OOSP2: variants seen among roughly 807,000 people sequenced by gnomAD.
OOSP2 encodes the protein oocyte secreted protein 2, also known as oocyte-secreted protein 2.
In OOSP2, 7 loss-of-function variants were observed where a neutral mutation model predicts 13.4. The ratio of observed to expected loss-of-function variants is 0.52; its 90% CI spans 0.30 to 0.98. OOSP2 has a LOEUF of 0.98. Among genes scored for constraint, OOSP2 ranks in the 50% least tolerant of loss-of-function variants. The pLI is 0.07. For missense variants in OOSP2, 184 were observed against 188.5 expected (o/e 0.98, Z 0.14); for synonymous variants, 75 against 67.2 (o/e 1.12, Z -0.57).
chr11:60,047,364 G>T lies in OOSP2; in HGVS notation c.*291G>T. 5.1e-6 allele frequency: 1 copy of T among 195,512 alleles called. No individual in the cohort carries two copies. The highest frequency in any genetic ancestry group is 1.0e-5 in the Non-Finnish European group (1 of 97,082). 12.1% of individuals were successfully genotyped at this position (195,512 alleles called of 1,614,324 possible). A position where few individuals can be genotyped will look rare whatever the true frequency, so the allele number is the denominator to read the frequency against. On this transcript the variant is annotated 3_prime_UTR_variant, in exon 4 of 4. Transcript: ENST00000278855. ...GAAGATTCAGAAATATGTCTTCAAA[G>T]ACAATGACTTGATCTAATTGATAAG...
intron 3 of OOSP2, among the ~76,000 whole-genome samples, chr11:60,046,068 C>G (rs61903630): frequency 2.1e-5 from 3 of 142,080 alleles, no homozygotes; most frequent in Non-Finnish European, 4.6e-5. Context: ...TTGTCTGTCT[C>G]TCTCTGTCTG....
At chr11:60,042,217 A>G (rs566400091) in intron 1 of OOSP2, among the ~76,000 whole-genome samples, 2 of 152,382 alleles carry the variant, frequency 1.3e-5, no homozygotes, top group African/African-American at 4.8e-5. Context: ...TCTGTGTGTC[A>G]TGCCCACTTC....
intron 1 of OOSP2, among the ~76,000 whole-genome samples, chr11:60,042,310 T>C (rs1226832247): frequency 6.6e-6 from 1 of 152,236 alleles, no homozygotes; most frequent in African/African-American, 2.4e-5. Flanking sequence ...TCCTAGGTGA[T>C]GTGAGAACAG....
rs903426351 is a variant in OOSP2 at position 60,047,772 on chromosome 11, C to G, written c.*699C>G. 4 of 152,098 alleles carry G rather than the reference C, an allele frequency of 2.6e-5. No homozygotes were observed. Among genetic ancestry groups the G allele is most frequent in the Non-Finnish European group, 5.9e-5 (4 of 67,970 alleles). 9.4% of individuals were successfully genotyped at this position (152,098 alleles called of 1,614,324 possible). A position where few individuals can be genotyped will look rare whatever the true frequency, so the allele number is the denominator to read the frequency against. ...GTTAAGCAAAGAGTTATCCTGCCAC[C>G]TAAGAGCATTCATTAAATGATTATT... On this transcript the variant is annotated 3_prime_UTR_variant, in exon 4 of 4. Coordinates refer to ENST00000278855, the MANE Select transcript of OOSP2 (RefSeq NM_173801.5).
chr11:60,041,647 T>C (rs1259494960), intron 1 of OOSP2, among the ~76,000 whole-genome samples: 10 of 151,412 alleles, frequency 6.6e-5, no homozygotes, highest in Non-Finnish European at 1.5e-4. Flanking sequence ...CAGGAGGAGT[T>C]CGAGACCAGC....
Position 60,040,496 on chromosome 11 carries a change from A to C in OOSP2, c.37A>C (p.Ile13Leu). Residue 13 changes from isoleucine (I) to leucine (L), a missense_variant, in exon 1 of 4, where the codon ATT (isoleucine) becomes CTT (leucine). Transcript: ENST00000278855. Reference protein sequence around the residue: ...LEVLMLLAVLIWTGAENLHVK... With the variant: ...LEVLMLLAVLLWTGAENLHVK... ...AGTCTTGATGCTCCTCGCTGTCTTGATTTGGACCGGTGCTGAGAACCTCCA... is the reference window on the plus strand; with the variant it reads ...AGTCTTGATGCTCCTCGCTGTCTTGCTTTGGACCGGTGCTGAGAACCTCCA... 6.2e-7 allele frequency: 1 copy of C among 1,603,242 alleles called. No homozygotes were observed. The highest frequency in any genetic ancestry group is 1.7e-5 in the Admixed American group (1 of 60,014).
At chr11:60,045,753 A>C (rs1854999690) in intron 3 of OOSP2, among the ~76,000 whole-genome samples, 1 of 152,172 alleles carries the variant, frequency 6.6e-6, no homozygotes, top group African/African-American at 2.4e-5. Flanking sequence ...CATTAAGTCC[A>C]TTCACATTGT....
In OOSP2 at chr11:60,044,765, C is replaced by T; in HGVS notation, c.338C>T (p.Ser113Phe). Reference protein sequence around the residue: ...HDPQEIHLECSTSRKSVWLTP... With the variant: ...HDPQEIHLECFTSRKSVWLTP... The stretch of plus-strand genomic sequence containing the variant: ...CCTCAGGAAATCCATTTGGAGTGTT[C>T]CACCTCTAGGTAAGTCCAGCAGATT... The change falls in exon 3 of 4, where the codon TCC (serine) becomes TTC (phenylalanine). Residue 113 changes from serine to phenylalanine, a missense_variant. Transcript: ENST00000278855. 6.6e-7 allele frequency: 1 copy of T among 1,514,716 alleles called. No individual in the cohort carries two copies. Among genetic ancestry groups the T allele is most frequent in the East Asian group, 2.3e-5 (1 of 44,280 alleles). 93.8% of individuals were successfully genotyped at this position (1,514,716 alleles called of 1,614,324 possible). A position where few individuals can be genotyped will look rare whatever the true frequency, so the allele number is the denominator to read the frequency against.
chr11:60,046,832 G>A, intron 3 of OOSP2, 112 bp from the exon 4 acceptor site: 1 of 900,424 alleles, frequency 1.1e-6, no homozygotes, highest in Non-Finnish European at 1.9e-6. Context: ...CTGGCTCTAT[G>A]CCATACTCCT....
At chr11:60,041,781 G>T (rs1854930618) in intron 1 of OOSP2, among the ~76,000 whole-genome samples, 1 of 148,774 alleles carries the variant, frequency 6.7e-6, no homozygotes, top group Non-Finnish European at 1.5e-5. Flanking sequence ...AACCCGGGAG[G>T]CGGAGCTTGC....
rs781198656 is a variant in OOSP2 at position 60,047,110 on chromosome 11, G to A, written c.*37G>A. The A allele has an allele frequency of 1.3e-6, 2 of 1,552,100 alleles. No individual in the cohort carries two copies. The highest frequency in any genetic ancestry group is 2.4e-5 in the South Asian group (2 of 83,678). On this transcript the variant is annotated 3_prime_UTR_variant, in exon 4 of 4. Transcript: ENST00000278855. ...AATGGAAACTTGAAGCTGGTGTTATGTATTTTGCAGGAAAACAGTTTCATT... is the reference window on the plus strand; with the variant it reads ...AATGGAAACTTGAAGCTGGTGTTATATATTTTGCAGGAAAACAGTTTCATT...
In OOSP2 at chr11:60,040,507, T is replaced by C; in HGVS notation, c.48T>C (p.Gly16=). ...LMLLAVLIWT[G]AENLHVKISC... ...TCCTCGCTGTCTTGATTTGGACCGG[T>C]GCTGAGAACCTCCATGGTAAATAAC... Residue 16 remains glycine, a synonymous_variant, in exon 1 of 4, where the codon GGT becomes GGC. Coordinates refer to ENST00000278855, the MANE Select transcript of OOSP2 (RefSeq NM_173801.5). 1 of 1,589,662 alleles carries C rather than the reference T, an allele frequency of 6.3e-7. No homozygotes were observed. Among genetic ancestry groups the C allele is most frequent in the East Asian group, 2.2e-5 (1 of 44,792 alleles).
At chr11:60,046,850 T>G in intron 3 of OOSP2, 94 bp from the exon 4 acceptor site, 1 of 998,876 alleles carries the variant, frequency 1.0e-6, no homozygotes. Context: ...CCTGAATGAC[T>G]ATTCTGTATA....
intron 1 of OOSP2, 137 bp downstream of exon 1, chr11:60,040,660 A>G (rs1854918292): frequency 1.6e-6 from 1 of 619,996 alleles, no homozygotes; most frequent in Admixed American, 2.8e-5. Context: ...CAGGCCAAGT[A>G]GACTTGTGTC....
intron 2 of OOSP2, 42 bp from the exon 3 acceptor site, chr11:60,044,629 G>A: frequency 2.3e-6 from 2 of 886,044 alleles, no homozygotes; most frequent in Non-Finnish European, 3.8e-6. Context: ...TTCCTCATCT[G>A]TTACTCCAAA....
chr11:60,040,577 G>T, intron 1 of OOSP2, 54 bp downstream of exon 1: 1 of 981,856 alleles, frequency 1.0e-6, no homozygotes, highest in South Asian at 1.3e-5. Flanking sequence ...CATAATGATC[G>T]CTTTCCATGC....
intron 1 of OOSP2, among the ~76,000 whole-genome samples, chr11:60,041,577 G>T (rs1028737582): frequency 2.6e-5 from 4 of 152,288 alleles, no homozygotes; most frequent in African/African-American, 7.2e-5. Context: ...GCTGGGCACG[G>T]TGGCTGATAC....
chr11:60,046,705 T>C lies in OOSP2; in HGVS notation c.348-239T>C, dbSNP rs776220752. 2.1e-5 allele frequency: 13 copies of C among 622,968 alleles called. No individual in the cohort carries two copies. In the East Asian group the frequency reaches 2.3e-4, roughly 11 times the overall value. The allele number at this position is 622,968 out of a possible 1,614,324, so 38.6% of individuals were successfully genotyped here. ...CAAATTATCTAAGACCATTCGTCTTTCTACTCAGTGTTTGATGCAGAAATC... is the reference window on the plus strand; with the variant it reads ...CAAATTATCTAAGACCATTCGTCTTCCTACTCAGTGTTTGATGCAGAAATC... On this transcript the variant is annotated intron_variant, in intron 3 of 3. Coordinates refer to ENST00000278855, the MANE Select transcript of OOSP2 (RefSeq NM_173801.5).
chr11:60,040,482 T>C lies in OOSP2; in HGVS notation c.23T>C (p.Leu8Pro). ...TCCATGGCGTTAGAAGTCTTGATGC[T>C]CCTCGCTGTCTTGATTTGGACCGGT... MALEVLMLLAVLIWTGAE... is the reference protein window; with the variant it reads MALEVLMPLAVLIWTGAE... The change falls in exon 1 of 4, where the codon CTC (leucine) becomes CCC (proline). Residue 8 changes from leucine (L) to proline (P), a missense_variant. Leu to Pro is a moderately conservative substitution (Grantham distance 98). Transcript: ENST00000278855. 1 of 1,603,784 alleles carries C rather than the reference T, an allele frequency of 6.2e-7. No individual in the cohort carries two copies. Among genetic ancestry groups the C allele is most frequent in the South Asian group, 1.1e-5 (1 of 90,882 alleles).
Sources: gnomAD v4.1 joint callset for allele counts (sites outside exome capture counted in the v4.1 genomes callset) on GRCh38, gnomAD v4.1.1 for gene constraint, MANE v1.5 for transcripts, NCBI Gene and HGNC (gene_info 2026-07-23, HGNC 2026-07-21) for gene names.